The following OS9 variants were observed in gnomAD, a reference collection of about 807,000 sequenced individuals.
OS9 encodes OS9 endoplasmic reticulum lectin.
A neutral mutation model predicts 84.7 loss-of-function variants in OS9; 58 were observed. The observed-to-expected ratio is 0.68, with a 90% CI of 0.55 to 0.85. The LOEUF (loss-of-function observed/expected upper bound fraction) is 0.85, where lower values mean the gene tolerates loss of function less well. Among genes scored for constraint, OS9 ranks in the 40% least tolerant of loss-of-function variants. The pLI is 0.00. For missense variants in OS9, 760 were observed against 850.9 expected, an observed-to-expected ratio of 0.89 and a Z score of 1.33; for synonymous variants, 278 against 320.8, an observed-to-expected ratio of 0.87 and a Z score of 1.43.
chr12:57,720,556 C>G, intron 14 of OS9, 38 bp downstream of exon 14: 1 of 1,477,556 alleles, frequency 6.8e-7, no homozygotes, highest in East Asian at 2.3e-5. Flanking sequence ...GCCCCCAGCC[C>G]TCCTGGAGTG....
intron 5 of OS9, among the ~76,000 whole-genome samples, chr12:57,715,394 T>C (rs949181720): frequency 1.3e-4 from 20 of 151,888 alleles, no homozygotes; most frequent in African/African-American, 4.8e-4. Context: ...AATACATATA[T>C]GAAGCAAATA....
chr12:57,718,467 C>A (rs576251994), intron 11 of OS9, 46 bp downstream of exon 11: 1 of 1,585,674 alleles, frequency 6.3e-7, no homozygotes, highest in Non-Finnish European at 8.6e-7. Context: ...CGCCTGGTCC[C>A]GTGGAGCAGG....
At chr12:57,713,660 A>G (rs1954395320) in intron 5 of OS9, among the ~76,000 whole-genome samples, 1 of 150,584 alleles carries the variant, frequency 6.6e-6, no homozygotes, top group Admixed American at 6.6e-5. Context: ...GGATGTTGAG[A>G]GAATAGGAAG....
At chr12:57,695,077 G>A in intron 2 of OS9, 151 bp downstream of exon 2, 1 of 657,086 alleles carries the variant, frequency 1.5e-6, no homozygotes, top group Non-Finnish European at 2.6e-6. Context: ...CAGGAAAGAA[G>A]CAAAGAATCC....
intron 13 of OS9, 35 bp from the exon 14 acceptor site, chr12:57,720,371 A>G (rs1431408128): frequency 3.1e-6 from 5 of 1,599,008 alleles, no homozygotes; most frequent in Non-Finnish European, 4.3e-6. Flanking sequence ...GCTCCCAACC[A>G]TCCTCTCCTC....
chr12:57,703,016 A>G (rs1169318307), intron 5 of OS9, among the ~76,000 whole-genome samples: 2 of 151,866 alleles, frequency 1.3e-5, no homozygotes, highest in African/African-American at 4.8e-5. Context: ...ATTTGTAAGT[A>G]TTTTCTCCCA....
rs763332956 is a variant in OS9, at chr12:57,716,022, G to A, written c.790+52G>A. On this transcript the variant is annotated intron_variant, in intron 6 of 14. Coordinates refer to ENST00000315970, the MANE Select transcript of OS9 (RefSeq NM_006812.4). ...ACGGGGAGATACGGGGGCAGGGGGT[G>A]GCAAAAGATCAAGTATTGAATAGCT... is the stretch of plus-strand genomic sequence containing the variant. The A allele has an allele frequency of 5.0e-6, 8 of 1,599,126 alleles. No individual in the cohort carries two copies. The East Asian group carries it at 1.8e-4, about 36-fold the overall frequency.
chr12:57,713,502 T>C (rs1015537662), intron 5 of OS9, among the ~76,000 whole-genome samples: 19 of 152,072 alleles, frequency 1.2e-4, no homozygotes, highest in Non-Finnish European at 2.4e-4. Flanking sequence ...CCGATACTTT[T>C]GTCCCACTGC....
chr12:57,694,822 G>C lies in OS9; in HGVS notation c.235G>C (p.Ala79Pro). The C allele has an allele frequency of 6.2e-7, 1 of 1,613,914 alleles. No individual in the cohort carries two copies. ...QRYECRLPAG[A>P]IHFQREREEE... ...CTATGAGTGTCGCCTGCCAGCTGGA[G>C]CTATTCACTTCCAGCGTGAAAGGGA... Residue 79 changes from alanine (A) to proline (P), a missense_variant, in exon 2 of 15, where the codon GCT becomes CCT. Ala to Pro is a conservative substitution (Grantham distance 27). Transcript: ENST00000315970.
At chr12:57,712,340 A>T (rs1363555735) in intron 5 of OS9, among the ~76,000 whole-genome samples, 2 of 152,008 alleles carry the variant, frequency 1.3e-5, no homozygotes, top group African/African-American at 4.8e-5. Flanking sequence ...GAGGTATTTT[A>T]TAGTTTTCTT....
At chr12:57,695,206 A>G (rs1231490736) in intron 2 of OS9, 5 of 473,142 alleles carry the variant, frequency 1.1e-5, no homozygotes, top group South Asian at 4.5e-5. Context: ...CCTTAAGCCT[A>G]CTTGCTAAAG....
At chr12:57,720,356 C>T in intron 13 of OS9, 50 bp from the exon 14 acceptor site, 5 of 1,598,300 alleles carry the variant, frequency 3.1e-6, no homozygotes, top group Non-Finnish European at 4.3e-6. Context: ...GGGGCCTGCC[C>T]TGAGGCTCCC....
intron 5 of OS9, among the ~76,000 whole-genome samples, chr12:57,713,007 A>G (rs1020152260): frequency 6.6e-6 from 1 of 152,126 alleles, no homozygotes; most frequent in Non-Finnish European, 1.5e-5. Flanking sequence ...AGTTTAGTCC[A>G]GTTAATTGTG....
At position 57,720,895 on chromosome 12, in the gene OS9, G is replaced by A. The variant is rs757250171; in HGVS notation, c.1990G>A (p.Glu664Lys). The change falls in exon 15 of 15, where the codon GAA (glutamate) becomes AAA (lysine). Residue 664 changes from glutamate (E) to lysine (K), a missense_variant. Physicochemically the swap from Glu to Lys is moderately conservative, Grantham distance 56. Transcript: ENST00000315970. The stretch of plus-strand genomic sequence containing the variant: ...TGGGGAGGGCACAGGGGACCTGGAC[G>A]AATTTGACTTCTGAGACCAACACTA... ...PGGEGTGDLD[E>K]FDF The A allele has an allele frequency of 3.7e-5, 59 of 1,614,008 alleles. No homozygotes were observed. Among genetic ancestry groups the A allele is most frequent in the Non-Finnish European group, 4.7e-5 (56 of 1,180,002 alleles).
Position 57,711,408 on chromosome 12 carries a change from G to A in OS9, c.580-4352G>A, listed in dbSNP as rs190385909. ...GTTACCCAGGCTGGAGTGCAGTGGC[G>A]CGATCTCTGCTCACTGCAACCTCCA... On this transcript the variant is annotated intron_variant, in intron 5 of 14. Coordinates refer to ENST00000315970, the MANE Select transcript of OS9 (RefSeq NM_006812.4). 3.4e-3 allele frequency among the ~76,000 whole-genome samples: 438 copies of A among 129,648 alleles called. 4 individuals carry two copies. The highest frequency in any genetic ancestry group is 0.012 in the African/African-American group (403 of 34,252). 85.1% of individuals were successfully genotyped at this position (129,648 alleles called of 152,430 possible).
intron 5 of OS9, among the ~76,000 whole-genome samples, chr12:57,714,094 G>A (rs1954411144): frequency 6.6e-6 from 1 of 150,824 alleles, no homozygotes; most frequent in Non-Finnish European, 1.5e-5. Flanking sequence ...GTGACACAGT[G>A]AGACCCTGTC....
intron 5 of OS9, among the ~76,000 whole-genome samples, chr12:57,705,166 G>T (rs1954131018): frequency 6.6e-6 from 1 of 152,032 alleles, no homozygotes; most frequent in Admixed American, 6.6e-5. Flanking sequence ...ATAAATCTTG[G>T]TATCTGGTAG....
At chr12:57,705,180 ATACTCC>A (rs1954131295) in intron 5 of OS9, among the ~76,000 whole-genome samples, 1 of 152,148 alleles carries the variant, frequency 6.6e-6, no homozygotes, top group Admixed American at 6.5e-5. Flanking sequence ...CTGGTAGGAT[ATACTCC>A]CCTTTTTTCT....
At chr12:57,695,419 C>A in intron 2 of OS9, 1 of 455,776 alleles carries the variant, frequency 2.2e-6, no homozygotes, top group South Asian at 1.9e-5. Flanking sequence ...CAGGAATGTT[C>A]AAGAAGTTCA....
Sources: gnomAD v4.1 joint callset for allele counts (sites outside exome capture counted in the v4.1 genomes callset) on GRCh38, gnomAD v4.1.1 for gene constraint, MANE v1.5 for transcripts, NCBI Gene and HGNC (gene_info 2026-07-23, HGNC 2026-07-21) for gene names.